ZMYND11: variants seen among roughly 807,000 people sequenced by gnomAD.
ZMYND11 encodes the protein zinc finger MYND-type containing 11, also known as zinc finger MYND domain-containing protein 11.
A neutral mutation model predicts 84.9 loss-of-function variants in ZMYND11; 9 were observed. The observed-to-expected ratio is 0.11, with a 90% CI of 0.06 to 0.18. ZMYND11 has a LOEUF of 0.18. Ranked by LOEUF, ZMYND11 falls within the 10% of genes least tolerant of loss-of-function variation. ZMYND11 has a pLI of 1.00. For synonymous variants in ZMYND11, 250 were observed against 244.1 expected (o/e 1.02, Z -0.23); for missense variants, 409 against 761.0 (o/e 0.54, Z 5.44).
In ZMYND11 at chr10:239,464, T is replaced by C; in HGVS notation, c.636T>C (p.Ser212=). The C allele has an allele frequency of 1.2e-6, 2 of 1,613,762 alleles. No homozygotes were observed. The highest frequency in any genetic ancestry group is 1.7e-6 in the Non-Finnish European group (2 of 1,179,808). ...AAGTGAATGAAGGGAAATACCGAAG[T>C]TATGAAGAGTTCAAAGCTGATGCCC... ...QEKVNEGKYR[S]YEEFKADAQL... is the part of the protein sequence containing the mutation. The change falls in exon 7 of 15, where the codon AGT becomes AGC. Residue 212 remains serine, a synonymous_variant. Transcript: ENST00000381604.
At position 240,928 on chromosome 10, in the gene ZMYND11, C is replaced by T. The variant is rs755386641; in HGVS notation, c.789C>T (p.Tyr263=). ...DELQLCKNCF[Y]LSNARPDNWF... Reference sequence around the variant, plus strand: ...TGCAGCTTTGCAAGAATTGCTTTTACTTGTCAAATGCTCGTCCTGACAACT... The same window carrying T: ...TGCAGCTTTGCAAGAATTGCTTTTATTTGTCAAATGCTCGTCCTGACAACT... The change falls in exon 9 of 15, where the codon TAC becomes TAT. Residue 263 remains tyrosine (Y), a synonymous_variant. Coordinates refer to ENST00000381604, the MANE Select transcript of ZMYND11 (RefSeq NM_001370100.5). 3 of 1,613,542 alleles carry T rather than the reference C, an allele frequency of 1.9e-6. No homozygotes were observed. The highest frequency in any genetic ancestry group is 2.5e-6 in the Non-Finnish European group (3 of 1,179,884).
intron 2 of ZMYND11, among the ~76,000 whole-genome samples, chr10:202,673 A>G (rs1943432615): frequency 6.6e-6 from 1 of 152,150 alleles, no homozygotes; most frequent in African/African-American, 2.4e-5. Flanking sequence ...CCTGACCTTC[A>G]TCTGTGAAAG....
chr10:164,224 C>A (rs988988868), intron 1 of ZMYND11, among the ~76,000 whole-genome samples: 1 of 152,158 alleles, frequency 6.6e-6, no homozygotes. Flanking sequence ...ATTCCACTGT[C>A]CTTTCTGCTT....
chr10:180,190 C>CA (rs1040708396), intron 2 of ZMYND11, 62 bp downstream of exon 2: 35 of 1,351,268 alleles, frequency 2.6e-5, no homozygotes, highest in East Asian at 7.0e-5. Context: ...GGGGAAAGGC[C>CA]AAAAAAAATT....
chr10:226,715 C>T (rs1235352903), intron 4 of ZMYND11, among the ~76,000 whole-genome samples: 1 of 152,008 alleles, frequency 6.6e-6, no homozygotes, highest in African/African-American at 2.4e-5. Context: ...ATACTTGGCC[C>T]GCTGAAATGG....
intron 1 of ZMYND11, among the ~76,000 whole-genome samples, chr10:163,908 A>T (rs1471387802): frequency 3.3e-5 from 5 of 152,092 alleles, no homozygotes; most frequent in Admixed American, 3.3e-4. Context: ...ATACCTTCAC[A>T]TGTCAGTGTC....
intron 1 of ZMYND11, among the ~76,000 whole-genome samples, chr10:173,914 A>T (rs549914419): frequency 6.6e-6 from 1 of 152,302 alleles, no homozygotes; most frequent in Admixed American, 6.5e-5. Context: ...CCAAATGTTG[A>T]TGAGGATGTG....
chr10:236,209 T>C (rs1245916279), intron 4 of ZMYND11, among the ~76,000 whole-genome samples: 1 of 152,242 alleles, frequency 6.6e-6, no homozygotes, highest in African/African-American at 2.4e-5. Context: ...TGTCCTTGTT[T>C]CCTAGCTGTT....
At chr10:222,419 C>G (rs1236200376) in intron 4 of ZMYND11, among the ~76,000 whole-genome samples, 1 of 152,116 alleles carries the variant, frequency 6.6e-6, no homozygotes, top group Non-Finnish European at 1.5e-5. Flanking sequence ...TTAATGATGA[C>G]TTGCCACTCA....
intron 2 of ZMYND11, among the ~76,000 whole-genome samples, chr10:193,404 C>G (rs947813330): frequency 6.6e-6 from 1 of 152,176 alleles, no homozygotes; most frequent in Non-Finnish European, 1.5e-5. Flanking sequence ...ACCCTGCAAC[C>G]TCTGTATGGA....
chr10:249,265 C>A, intron 14 of ZMYND11, 177 bp downstream of exon 14: 1 of 1,442,820 alleles, frequency 6.9e-7, no homozygotes, highest in Non-Finnish European at 9.1e-7. Context: ...CTCTCAACCC[C>A]AGATCCCATA....
chr10:143,554 G>T (rs1410830975), intron 1 of ZMYND11, among the ~76,000 whole-genome samples: 1 of 152,048 alleles, frequency 6.6e-6, no homozygotes, highest in Admixed American at 6.6e-5. Context: ...ATTTATTTGG[G>T]CTTTCCATTG....
At chr10:154,624 G>T (rs1466551775) in intron 1 of ZMYND11, among the ~76,000 whole-genome samples, 2 of 152,152 alleles carry the variant, frequency 1.3e-5, no homozygotes, top group Non-Finnish European at 2.9e-5. Flanking sequence ...AATAATTTTA[G>T]CAGGTAGGAA....
chr10:144,350 C>G (rs1554754684), intron 1 of ZMYND11, among the ~76,000 whole-genome samples: 1 of 152,084 alleles, frequency 6.6e-6, no homozygotes, highest in Non-Finnish European at 1.5e-5. Context: ...TCTTGAGTAG[C>G]TGGGACTATA....
At chr10:152,057 T>G (rs2131336617) in intron 1 of ZMYND11, among the ~76,000 whole-genome samples, 1 of 152,298 alleles carries the variant, frequency 6.6e-6, no homozygotes, top group African/African-American at 2.4e-5. Context: ...CAAGAGCTCC[T>G]GAAGGAAGCA....
At chr10:236,636 A>G (rs1220695503) in intron 4 of ZMYND11, among the ~76,000 whole-genome samples, 1 of 152,224 alleles carries the variant, frequency 6.6e-6, no homozygotes, top group African/African-American at 2.4e-5. Context: ...ACAACATAAT[A>G]TTTTAAAGTT....
intron 1 of ZMYND11, among the ~76,000 whole-genome samples, chr10:152,310 T>A (rs575673918): frequency 4.6e-5 from 7 of 152,268 alleles, no homozygotes; most frequent in Non-Finnish European, 8.8e-5. Context: ...TGTGCTATAT[T>A]CAGGAGACCC....
intron 13 of ZMYND11, 22 bp downstream of exon 13, chr10:248,630 G>A: frequency 6.3e-7 from 1 of 1,577,568 alleles, no homozygotes; most frequent in Non-Finnish European, 8.6e-7. Context: ...CGCCACTGTG[G>A]GTGCCCTGCT....
intron 10 of ZMYND11, among the ~76,000 whole-genome samples, chr10:243,181 C>A (rs900562985): frequency 6.6e-6 from 1 of 152,082 alleles, no homozygotes; most frequent in African/African-American, 2.4e-5. Context: ...TGAGCCTTAG[C>A]AAAATAAAGG....
Sources: gnomAD v4.1 joint callset for allele counts (sites outside exome capture counted in the v4.1 genomes callset) on GRCh38, gnomAD v4.1.1 for gene constraint, MANE v1.5 for transcripts, NCBI Gene and HGNC (gene_info 2026-07-23, HGNC 2026-07-21) for gene names.